The following UBE3B variants were observed in gnomAD, a reference collection of about 807,000 sequenced individuals.
UBE3B encodes ubiquitin protein ligase E3B.
Under a neutral mutation model 132.3 loss-of-function variants are expected in UBE3B, and 80 were observed. The observed-to-expected ratio is 0.60, with a 90% CI of 0.50 to 0.73. The LOEUF (loss-of-function observed/expected upper bound fraction) is 0.73, where lower values mean the gene tolerates loss of function less well. UBE3B is among the 30% of genes least tolerant of loss of function. UBE3B has a pLI of 0.00. For synonymous variants in UBE3B, 487 were observed against 520.4 expected (o/e 0.94, Z 0.87); for missense variants, 1,196 against 1,362.5 (o/e 0.88, Z 1.92).
chr12:109,527,602 C>A (rs190869941), intron 24 of UBE3B, among the ~76,000 whole-genome samples: 54 of 152,278 alleles, frequency 3.5e-4, no homozygotes, highest in African/African-American at 1.2e-3. Context: ...GGAGAACAGA[C>A]CCTGTTTTCA....
chr12:109,530,292 C>T (rs541190391), intron 25 of UBE3B, among the ~76,000 whole-genome samples: 3 of 152,328 alleles, frequency 2.0e-5, no homozygotes, highest in South Asian at 4.1e-4. Context: ...TTCTCTGAAG[C>T]TCTAGGAGAT....
At chr12:109,515,402 T>G (rs1880911075) in intron 18 of UBE3B, among the ~76,000 whole-genome samples, 1 of 151,738 alleles carries the variant, frequency 6.6e-6, no homozygotes, top group South Asian at 2.1e-4. Flanking sequence ...AGAGTTTCAC[T>G]CTTGTTGCCC....
intron 10 of UBE3B, 86 bp downstream of exon 10, chr12:109,498,009 G>C (rs1288450296): frequency 8.8e-5 from 130 of 1,469,292 alleles, no homozygotes; most frequent in Non-Finnish European, 1.2e-4. Context: ...TGGCTTCTCT[G>C]CTTATTTCCA....
chr12:109,508,618 G>A, intron 15 of UBE3B: 1 of 985,626 alleles, frequency 1.0e-6, no homozygotes, highest in East Asian at 1.1e-4. Context: ...GGGACATGTA[G>A]GTGGCAGATT....
rs567971584 is a variant in UBE3B at position 109,519,839 on chromosome 12, T to C, written c.2077-1309T>C. 136 of 152,072 alleles carry C rather than the reference T, an allele frequency of 8.9e-4. 1 individual carries two copies. Among genetic ancestry groups the C allele is most frequent in the African/African-American group, 2.9e-3 (121 of 41,422 alleles). 9.4% of individuals were successfully genotyped at this position (152,072 alleles called of 1,614,324 possible). On this transcript the variant is annotated intron_variant, in intron 19 of 27. Coordinates refer to ENST00000342494, the MANE Select transcript of UBE3B (RefSeq NM_130466.4). Reference sequence around the variant, plus strand: ...GTTCCCACATGTGACTTAGGGGTCTTGAGAGGTAATTTTCCCTTGCCCACT... The same window carrying C: ...GTTCCCACATGTGACTTAGGGGTCTCGAGAGGTAATTTTCCCTTGCCCACT...
intron 7 of UBE3B, 133 bp downstream of exon 7, chr12:109,488,801 C>T (rs887878299): frequency 1.3e-6 from 1 of 757,190 alleles, no homozygotes; most frequent in Non-Finnish European, 2.3e-6. Context: ...AATGAGGATG[C>T]CCTTGGTGCT....
intron 18 of UBE3B, among the ~76,000 whole-genome samples, chr12:109,512,505 C>T (rs1482081535): frequency 1.3e-5 from 2 of 152,178 alleles, no homozygotes; most frequent in Non-Finnish European, 2.9e-5. Flanking sequence ...GATGCTGCGA[C>T]AACACTCAGC....
Position 109,498,316 on chromosome 12 carries a change from T to C in UBE3B, c.903T>C (p.Cys301=), listed in dbSNP as rs1156815315. Residue 301 remains cysteine (C), a synonymous_variant, in exon 11 of 28, where the codon TGT becomes TGC. Coordinates refer to ENST00000342494, the MANE Select transcript of UBE3B (RefSeq NM_130466.4). ...LRDQDRCRDV[C]ESLEGCHTLC... ...ACCAAGATCGATGCCGTGATGTATG[T>C]GAAAGTTTAGAAGGATGCCATACGC... 6.2e-7 allele frequency: 1 copy of C among 1,614,128 alleles called. No individual in the cohort carries two copies. Among genetic ancestry groups the C allele is most frequent in the African/African-American group, 1.3e-5 (1 of 75,036 alleles).
At position 109,531,700 on chromosome 12, in the gene UBE3B, C is replaced by T. The variant is rs772118009; in HGVS notation, c.2922+1042C>T. 7.0e-4 allele frequency among the ~76,000 whole-genome samples: 107 copies of T among 152,200 alleles called. 1 individual carries two copies. The Middle Eastern group carries it at 0.01, about 15-fold the overall frequency. ...ACAAATGCCCCACATCCCCACAGGT[C>T]TCCGGGGATTTAGGATGGGCAGGCA... On this transcript the variant is annotated intron_variant, in intron 26 of 27. Transcript: ENST00000342494.
chr12:109,515,677 T>G (rs1365312720), intron 18 of UBE3B, among the ~76,000 whole-genome samples: 1 of 152,214 alleles, frequency 6.6e-6, no homozygotes, highest in Non-Finnish European at 1.5e-5. Flanking sequence ...CTGTTACTGT[T>G]CTTATTTGTA....
At chr12:109,495,094 C>A (rs758321665) in intron 9 of UBE3B, among the ~76,000 whole-genome samples, 5 of 152,190 alleles carry the variant, frequency 3.3e-5, no homozygotes, top group Admixed American at 6.5e-5. Flanking sequence ...TTTTCATGTG[C>A]CCCACTCAGA....
chr12:109,521,065 G>A lies in UBE3B; in HGVS notation c.2077-83G>A, dbSNP rs544999962. ...CACATTTGGTAATGATGCTGGGAGA[G>A]CTTCGCACAGAGGAGAGGGAACCCC... On this transcript the variant is annotated intron_variant, in intron 19 of 27. Coordinates refer to ENST00000342494, the MANE Select transcript of UBE3B (RefSeq NM_130466.4). The surrounding 1 kb of genome is among the most constrained non-coding windows in gnomAD (Gnocchi z 4.2). 3 of 1,509,194 alleles carry A rather than the reference G, an allele frequency of 2.0e-6. No individual in the cohort carries two copies. In the African/African-American group the frequency reaches 4.1e-5, roughly 21 times the overall value. 93.5% of individuals were successfully genotyped at this position (1,509,194 alleles called of 1,614,324 possible).
downstream of UBE3B, chr12:109,536,760 A>G (rs145533524): frequency 5.9e-5 from 9 of 152,342 alleles, no homozygotes; most frequent in Admixed American, 2.0e-4. Context: ...ACACTTGGGT[A>G]TCTGGGCTTA....
intron 18 of UBE3B, among the ~76,000 whole-genome samples, chr12:109,512,258 G>A (rs541014981): frequency 5.9e-5 from 9 of 152,294 alleles, no homozygotes; most frequent in South Asian, 4.1e-4. Flanking sequence ...TAACCTGGGC[G>A]AGGTGGTTGG....
At position 109,491,121 on chromosome 12, in the gene UBE3B, C is replaced by T. The variant is rs754690536; in HGVS notation, c.707C>T (p.Ala236Val). The change falls in exon 9 of 28, where the codon GCG (alanine) becomes GTG (valine). Residue 236 changes from alanine to valine, a missense_variant. Ala to Val is a moderately conservative substitution (Grantham distance 64). Coordinates refer to ENST00000342494, the MANE Select transcript of UBE3B (RefSeq NM_130466.4). ...ACTTTAACAGCAGCTTTTTCTCTAG[C>T]GTTACGGTGAGTAAGAAACCATAGC... Reference protein sequence around the residue: ...KGTLTAAFSLALRPVIAAQFS... With the variant: ...KGTLTAAFSLVLRPVIAAQFS... The T allele has an allele frequency of 8.1e-6, 13 of 1,613,910 alleles. No homozygotes were observed. In the East Asian group the frequency reaches 8.9e-5, roughly 11 times the overall value.
Position 109,521,059 on chromosome 12 carries a change from G to A in UBE3B, c.2077-89G>A. 1 of 1,465,862 alleles carries A rather than the reference G, an allele frequency of 6.8e-7. No homozygotes were observed. Among genetic ancestry groups the A allele is most frequent in the Non-Finnish European group, 9.3e-7 (1 of 1,074,068 alleles). 90.8% of individuals were successfully genotyped at this position (1,465,862 alleles called of 1,614,324 possible). The stretch of plus-strand genomic sequence containing the variant: ...AATTTGCACATTTGGTAATGATGCT[G>A]GGAGAGCTTCGCACAGAGGAGAGGG... On this transcript the variant is annotated intron_variant, in intron 19 of 27. Coordinates refer to ENST00000342494, the MANE Select transcript of UBE3B (RefSeq NM_130466.4). This position sits in a 1 kb window ranked among gnomAD's most constrained non-coding sequence, Gnocchi z 4.2.
At chr12:109,541,566 G>C (rs551027426), downstream of UBE3B, among the ~76,000 whole-genome samples, 78 of 152,364 alleles carry the variant, frequency 5.1e-4, 1 homozygote, top group South Asian at 0.015. Context: ...GGAGTATTGG[G>C]TCAGAAGGTA....
At chr12:109,539,246 AAACC>A (rs1004936490), downstream of UBE3B, among the ~76,000 whole-genome samples, 1 of 152,208 alleles carries the variant, frequency 6.6e-6, no homozygotes, top group African/African-American at 2.4e-5. Context: ...AAAAACAAAA[AAACC>A]CCACAAAAAC....
chr12:109,479,346 G>A (rs1323069041), intron 1 of UBE3B, among the ~76,000 whole-genome samples: 3 of 152,156 alleles, frequency 2.0e-5, no homozygotes, highest in Admixed American at 2.0e-4. Flanking sequence ...ACAATGTTGT[G>A]ATGACTAAAT....
Sources: allele counts gnomAD v4.1 joint callset (sites outside exome capture counted in the v4.1 genomes callset), GRCh38; gene constraint gnomAD v4.1.1; non-coding constraint Gnocchi (gnomAD v3.1); transcripts MANE v1.5; gene names NCBI Gene and HGNC (gene_info 2026-07-23, HGNC 2026-07-21).